The following RPF2 variants were observed in gnomAD, a reference collection of about 807,000 sequenced individuals.
The protein encoded by RPF2 is ribosome production factor 2 homolog, also known as brix domain containing 1.
Under a neutral mutation model 38.9 loss-of-function variants are expected in RPF2, and 21 were observed. That is an observed-to-expected ratio of 0.54 (90% CI 0.38 to 0.78). The LOEUF (loss-of-function observed/expected upper bound fraction) is 0.78, where lower values mean the gene tolerates loss of function less well. Ranked by LOEUF, RPF2 falls within the 30% of genes least tolerant of loss-of-function variation. RPF2 has a pLI of 0.00. For missense variants in RPF2, 314 were observed against 358.1 expected (o/e 0.88, Z 0.99); for synonymous variants, 121 against 126.2 (o/e 0.96, Z 0.28).
chr6:110,982,173 G>A, intron 1 of RPF2, 44 bp downstream of exon 1: 4 of 1,608,760 alleles, frequency 2.5e-6, no homozygotes, highest in Non-Finnish European at 3.4e-6. Context: ...TGGGGTGAAA[G>A]GGTCCCGTGA....
chr6:111,020,859 GA>G (rs113626360), intron 8 of RPF2, among the ~76,000 whole-genome samples: 38,272 of 151,406 alleles, frequency 0.25, 4,962 homozygotes, highest in African/African-American at 0.32. Flanking sequence ...CAAAAAAAGA[GA>G]AAAAAAAGAA....
intron 8 of RPF2, among the ~76,000 whole-genome samples, chr6:111,021,340 G>A (rs996333315): frequency 6.6e-6 from 1 of 152,146 alleles, no homozygotes; most frequent in African/African-American, 2.4e-5. Flanking sequence ...TTGATCACTA[G>A]ATGTTCCATA....
intron 4 of RPF2, among the ~76,000 whole-genome samples, chr6:110,996,252 C>T (rs774741039): frequency 1.3e-5 from 2 of 151,856 alleles, no homozygotes; most frequent in Non-Finnish European, 2.9e-5. Flanking sequence ...GATCTTGGCT[C>T]ACTGCAACCT....
rs1408150995 is a variant in RPF2 at position 111,017,066 on chromosome 6, C to A, written c.596+1210C>A. On this transcript the variant is annotated intron_variant, in intron 8 of 9. Transcript: ENST00000441448. ...TTCTTAGTATAGAACAAAATGGAGT[C>A]TCCTATGTCTACTTCTTTCTACACA... Among the ~76,000 whole-genome samples the A allele has an allele frequency of 3.9e-5, 6 of 152,206 alleles. No homozygotes were observed. In the East Asian group the frequency reaches 1.2e-3, roughly 29 times the overall value.
intron 4 of RPF2, among the ~76,000 whole-genome samples, chr6:110,996,208 T>A (rs1281058174): frequency 6.6e-6 from 1 of 151,494 alleles, no homozygotes; most frequent in Admixed American, 6.6e-5. Context: ...TGGTATGCAA[T>A]GCTTTTGTTG....
intron 1 of RPF2, chr6:110,982,417 G>A (rs117885202): frequency 0.015 from 7,723 of 501,822 alleles, 89 homozygotes; most frequent in Non-Finnish European, 0.021. Flanking sequence ...GAGACAGATG[G>A]TATAGTGGGG....
At chr6:111,000,447 T>C (rs149185712) in intron 6 of RPF2, among the ~76,000 whole-genome samples, 1 of 152,298 alleles carries the variant, frequency 6.6e-6, no homozygotes, top group East Asian at 1.9e-4. Flanking sequence ...TAGAAAAACC[T>C]GTAGAATTTT....
chr6:111,003,187 T>C (rs1429596750), intron 6 of RPF2, among the ~76,000 whole-genome samples: 1 of 151,904 alleles, frequency 6.6e-6, no homozygotes, highest in Non-Finnish European at 1.5e-5. Context: ...CACTTTCCCT[T>C]ATTTTCCCTT....
chr6:110,994,876 T>A (rs1771685745), intron 4 of RPF2, among the ~76,000 whole-genome samples: 2 of 151,924 alleles, frequency 1.3e-5, no homozygotes, highest in Admixed American at 1.3e-4. Flanking sequence ...TTTAAGAAAG[T>A]AATTCCATTG....
intron 3 of RPF2, among the ~76,000 whole-genome samples, chr6:110,991,376 C>G (rs909921551): frequency 4.7e-5 from 7 of 149,368 alleles, no homozygotes; most frequent in African/African-American, 1.7e-4. Flanking sequence ...CTGTTGTAAG[C>G]CACTGTGCTC....
intron 8 of RPF2, among the ~76,000 whole-genome samples, chr6:111,023,905 G>A (rs999778520): frequency 2.8e-4 from 42 of 151,896 alleles, no homozygotes; most frequent in African/African-American, 9.4e-4. Context: ...GGAGAATGGC[G>A]TGAACCTGGG....
intron 8 of RPF2, among the ~76,000 whole-genome samples, chr6:111,020,365 A>AGAG (rs887211408): frequency 6.6e-6 from 1 of 152,166 alleles, no homozygotes; most frequent in African/African-American, 2.4e-5. Flanking sequence ...TGTTAAACAT[A>AGAG]GAGGGGATAC....
At chr6:111,020,962 G>C (rs570556283) in intron 8 of RPF2, among the ~76,000 whole-genome samples, 1 of 152,308 alleles carries the variant, frequency 6.6e-6, no homozygotes, top group South Asian at 2.1e-4. Context: ...GAGGTCAGGA[G>C]ATCGAGACCA....
chr6:110,995,993 T>G (rs1023116740), intron 4 of RPF2, among the ~76,000 whole-genome samples: 3 of 152,050 alleles, frequency 2.0e-5, no homozygotes, highest in African/African-American at 7.2e-5. Flanking sequence ...ATTTTTTGTA[T>G]TTTTCTTAGA....
chr6:111,003,474 G>A (rs187182417), intron 6 of RPF2, among the ~76,000 whole-genome samples: 1 of 151,938 alleles, frequency 6.6e-6, no homozygotes, highest in Non-Finnish European at 1.5e-5. Context: ...TGTATTTTTA[G>A]TAGAGACAAT....
At chr6:110,982,524 CTT>C in intron 1 of RPF2, 2 of 228,976 alleles carry the variant, frequency 8.7e-6, no homozygotes, top group Non-Finnish European at 1.7e-5. Flanking sequence ...ATCTCTAAAT[CTT>C]AGCTTATTCT....
At chr6:111,015,222 G>A (rs770603424) in intron 7 of RPF2, among the ~76,000 whole-genome samples, 1 of 152,036 alleles carries the variant, frequency 6.6e-6, no homozygotes, top group Admixed American at 6.6e-5. Flanking sequence ...ACCACTTTGT[G>A]AGAAAAAAGA....
chr6:111,007,124 C>T (rs995776538), intron 6 of RPF2, among the ~76,000 whole-genome samples: 15 of 152,186 alleles, frequency 9.9e-5, no homozygotes, highest in Admixed American at 9.8e-4. Context: ...CTCAAGCTGT[C>T]TTCCTGCTTT....
chr6:111,000,768 A>G (rs1771799443), intron 6 of RPF2, among the ~76,000 whole-genome samples: 1 of 152,074 alleles, frequency 6.6e-6, no homozygotes. Flanking sequence ...TTTTGTATAG[A>G]TTGGGAGATT....
Sources: allele counts gnomAD v4.1 joint callset (sites outside exome capture counted in the v4.1 genomes callset), GRCh38; gene constraint gnomAD v4.1.1; transcripts MANE v1.5; gene names NCBI Gene and HGNC (gene_info 2026-07-23, HGNC 2026-07-21).